Variants in FHOD3 observed in about 807,000 individuals in gnomAD.
FHOD3 encodes formin homology 2 domain containing 3, also known as FH1/FH2 domain-containing protein 3.
FHOD3 carries 90 observed loss-of-function variants against 173.0 expected under a neutral mutation model. The ratio of observed to expected loss-of-function variants is 0.52; its 90% CI spans 0.44 to 0.62. FHOD3 has a LOEUF of 0.62. Among genes scored for constraint, FHOD3 ranks in the 20% least tolerant of loss-of-function variants. The pLI, the probability that FHOD3 is intolerant of heterozygous loss-of-function variation, is 0.00. For synonymous variants in FHOD3, 828 were observed against 823.0 expected (o/e 1.01, Z -0.10); for missense variants, 1,945 against 2,034.7 (o/e 0.96, Z 0.85).
intron 3 of FHOD3, among the ~76,000 whole-genome samples, chr18:36,457,313 A>G (rs1393115785): frequency 6.6e-6 from 1 of 152,142 alleles, no homozygotes; most frequent in Non-Finnish European, 1.5e-5. Context: ...AGCTGGGCAC[A>G]TCACTTACCT....
chr18:36,709,687 C>A (rs2040066574), intron 18 of FHOD3: 3 of 374,250 alleles, frequency 8.0e-6, no homozygotes, highest in African/African-American at 6.1e-5. Flanking sequence ...AGGAATAAGC[C>A]CCAGAAGAGA....
rs757980190 is a variant in FHOD3 at position 36,581,844 on chromosome 18, G to A, written c.606+5299G>A. ...GAAGAAAAAATAAGTAACGTGGTGT[G>A]TAGAATGGAGTGGTGGAGGAGGGGA... On this transcript the variant is annotated intron_variant, in intron 6 of 28. Coordinates refer to ENST00000590592, the MANE Select transcript of FHOD3 (RefSeq NM_001281740.3). 3.3e-5 allele frequency among the ~76,000 whole-genome samples: 5 copies of A among 152,210 alleles called. No individual in the cohort carries two copies. In the South Asian group the frequency reaches 6.2e-4, roughly 19 times the overall value.
intron 5 of FHOD3, among the ~76,000 whole-genome samples, chr18:36,543,555 A>T (rs1049366251): frequency 3.9e-5 from 6 of 152,184 alleles, no homozygotes; most frequent in African/African-American, 1.4e-4. Context: ...TCCACCTACG[A>T]TGAACAAAAT....
chr18:36,586,029 G>A (rs1032761001), intron 6 of FHOD3, among the ~76,000 whole-genome samples: 5 of 152,162 alleles, frequency 3.3e-5, no homozygotes, highest in African/African-American at 1.2e-4. Flanking sequence ...CCAAAGAGAT[G>A]TGAGCTGCCT....
chr18:36,548,855 T>A (rs1022872483), intron 5 of FHOD3, among the ~76,000 whole-genome samples: 23 of 152,252 alleles, frequency 1.5e-4, no homozygotes, highest in Admixed American at 5.9e-4. Context: ...TGTTTCCAGT[T>A]TTAGACTATT....
At chr18:36,536,740 A>C (rs1038312608) in intron 5 of FHOD3, among the ~76,000 whole-genome samples, 2 of 152,150 alleles carry the variant, frequency 1.3e-5, no homozygotes, top group Non-Finnish European at 2.9e-5. Context: ...TTTTTGCTGC[A>C]TGGAGGCTTC....
chr18:36,603,075 G>A (rs2031607527), intron 8 of FHOD3, among the ~76,000 whole-genome samples: 1 of 152,190 alleles, frequency 6.6e-6, no homozygotes. Flanking sequence ...GGCAAAGACA[G>A]ACTTCCTGTA....
At position 36,765,120 on chromosome 18, in the gene FHOD3, C is replaced by T. The variant is rs753992993; in HGVS notation, c.4625-4145C>T. On this transcript the variant is annotated intron_variant, in intron 27 of 28. Transcript: ENST00000590592. ...GAGACATTTGCTAAATGGAGCACTG[C>T]GGGATGGGGGTTGGAGGGAGGAAGG... is the stretch of plus-strand genomic sequence containing the variant. Among the ~76,000 whole-genome samples the T allele has an allele frequency of 5.3e-5, 8 of 152,080 alleles. No individual in the cohort carries two copies. In the East Asian group the frequency reaches 7.7e-4, roughly 15 times the overall value.
At chr18:36,453,836 A>G (rs555059362) in intron 3 of FHOD3, among the ~76,000 whole-genome samples, 2 of 152,186 alleles carry the variant, frequency 1.3e-5, no homozygotes, top group African/African-American at 4.8e-5. Flanking sequence ...GCTGGAGTCC[A>G]GGGCTTTTGA....
intron 3 of FHOD3, among the ~76,000 whole-genome samples, chr18:36,384,925 A>AC: frequency 6.6e-6 from 1 of 151,390 alleles, no homozygotes; most frequent in Non-Finnish European, 1.5e-5. Context: ...CACCACCACC[A>AC]CAAAGTTTTG....
intron 5 of FHOD3, among the ~76,000 whole-genome samples, chr18:36,543,437 C>T (rs1242184351): frequency 1.3e-5 from 2 of 152,206 alleles, no homozygotes; most frequent in South Asian, 2.1e-4. Context: ...TGGTGTTTTC[C>T]TTGATGGCCT....
intron 14 of FHOD3, among the ~76,000 whole-genome samples, chr18:36,676,940 C>T (rs1373481347): frequency 6.6e-6 from 1 of 152,104 alleles, no homozygotes; most frequent in Non-Finnish European, 1.5e-5. Context: ...TAGTTTCTCC[C>T]AGGTTGTTGC....
At chr18:36,450,813 A>T (rs1019103652) in intron 3 of FHOD3, among the ~76,000 whole-genome samples, 11 of 152,142 alleles carry the variant, frequency 7.2e-5, no homozygotes, top group Non-Finnish European at 7.3e-5. Flanking sequence ...ACAAACAAAC[A>T]AAAAACCAAA....
intron 3 of FHOD3, among the ~76,000 whole-genome samples, chr18:36,463,715 C>G (rs192864408): frequency 6.6e-6 from 1 of 152,024 alleles, no homozygotes; most frequent in African/African-American, 2.4e-5. Context: ...AGGCTGTTCT[C>G]GAACTCCTGT....
chr18:36,490,917 T>C (rs1027024922), intron 3 of FHOD3, among the ~76,000 whole-genome samples: 1 of 152,212 alleles, frequency 6.6e-6, no homozygotes, highest in Non-Finnish European at 1.5e-5. Flanking sequence ...TCAGAGTAGA[T>C]ACAGATGTGT....
rs116673020 is a variant in FHOD3, at chr18:36,770,304, C to T, written c.4786+878C>T. On this transcript the variant is annotated intron_variant, in intron 28 of 28. Transcript: ENST00000590592. Reference sequence around the variant, plus strand: ...TGTTTTCTCCCAAAAGTGAAAGGAGCATGAGTCCAGCTAGGCAGGGAGTTG... The same window carrying T: ...TGTTTTCTCCCAAAAGTGAAAGGAGTATGAGTCCAGCTAGGCAGGGAGTTG... Among the ~76,000 whole-genome samples the T allele has an allele frequency of 3.7e-3, 566 of 152,334 alleles. 3 individuals carry two copies. The highest frequency in any genetic ancestry group is 0.012 in the African/African-American group (517 of 41,588).
chr18:36,372,657 T>C (rs909031570), intron 2 of FHOD3, 23 bp from the exon 3 acceptor site: 1 of 1,612,058 alleles, frequency 6.2e-7, no homozygotes, highest in African/African-American at 1.3e-5. Flanking sequence ...CTGATGCCCC[T>C]GTTTTGTCTC....
chr18:36,742,310 G>A (rs919827156), intron 21 of FHOD3, among the ~76,000 whole-genome samples: 4 of 152,194 alleles, frequency 2.6e-5, no homozygotes, highest in African/African-American at 7.2e-5. Flanking sequence ...GCCTTGAGGG[G>A]AGGAGGAGGC....
chr18:36,316,305 A>G (rs2044117640), intron 1 of FHOD3, among the ~76,000 whole-genome samples: 1 of 151,812 alleles, frequency 6.6e-6, no homozygotes, highest in African/African-American at 2.4e-5. Context: ...GTTTAGCCCC[A>G]TGCATGCCCA....
Sources: allele counts gnomAD v4.1 joint callset (sites outside exome capture counted in the v4.1 genomes callset), GRCh38; gene constraint gnomAD v4.1.1; transcripts MANE v1.5; gene names NCBI Gene and HGNC (gene_info 2026-07-23, HGNC 2026-07-21).